The following CTNNA2 variants were observed in gnomAD, a reference collection of about 807,000 sequenced individuals.
CTNNA2 encodes catenin alpha-2.
In CTNNA2, 42 loss-of-function variants were observed where a neutral mutation model predicts 101.0. The ratio of observed to expected loss-of-function variants is 0.42; its 90% confidence interval spans 0.32 to 0.54. The LOEUF is 0.54. CTNNA2 is among the 20% of genes least tolerant of loss of function. CTNNA2 has a pLI of 0.14. For synonymous variants in CTNNA2, 450 were observed against 456.4 expected, an observed-to-expected ratio of 0.99 and a Z score of 0.18; for missense variants, 871 against 1,223.1, an observed-to-expected ratio of 0.71 and a Z score of 4.29.
chr2:79,192,409 C>T (rs1194660400), intron 1 of CTNNA2, among the ~76,000 whole-genome samples: 1 of 152,106 alleles, frequency 6.6e-6, no homozygotes, highest in Non-Finnish European at 1.5e-5. Flanking sequence ...AAATGAGACT[C>T]TCATTTGAAA....
intron 2 of CTNNA2, among the ~76,000 whole-genome samples, chr2:79,299,581 C>T (rs1406826707): frequency 6.6e-6 from 1 of 152,154 alleles, no homozygotes; most frequent in Non-Finnish European, 1.5e-5. Flanking sequence ...ATTGTCCCTG[C>T]TTTTATCCTG....
chr2:80,518,736 G>A (rs1689294140), intron 9 of CTNNA2, among the ~76,000 whole-genome samples: 1 of 151,976 alleles, frequency 6.6e-6, no homozygotes, highest in Non-Finnish European at 1.5e-5. Context: ...GAGTAAATGT[G>A]AATTAGTTTT....
At chr2:79,389,579 C>T (rs190177478) in intron 4 of CTNNA2, among the ~76,000 whole-genome samples, 1 of 152,096 alleles carries the variant, frequency 6.6e-6, no homozygotes, top group Non-Finnish European at 1.5e-5. Context: ...TAAACAAGGG[C>T]CAATTTATTC....
At chr2:80,489,215 T>C (rs1686837144) in intron 9 of CTNNA2, among the ~76,000 whole-genome samples, 1 of 152,198 alleles carries the variant, frequency 6.6e-6, no homozygotes, top group African/African-American at 2.4e-5. Flanking sequence ...CGTAGAAATC[T>C]TTTAAATCAT....
intron 7 of CTNNA2, among the ~76,000 whole-genome samples, chr2:80,309,019 G>A (rs1254475465): frequency 6.6e-6 from 1 of 152,018 alleles, no homozygotes; most frequent in Non-Finnish European, 1.5e-5. Flanking sequence ...AACCTGGGAG[G>A]TGGAGGTTGC....
At chr2:79,812,204 T>C (rs1334435239) in intron 3 of CTNNA2, among the ~76,000 whole-genome samples, 1 of 152,220 alleles carries the variant, frequency 6.6e-6, no homozygotes, top group Admixed American at 6.5e-5. Context: ...GTTTTATTTC[T>C]GTTTTTTCAT....
intron 4 of CTNNA2, among the ~76,000 whole-genome samples, chr2:79,377,066 C>A (rs1300694693): frequency 6.6e-6 from 1 of 151,324 alleles, no homozygotes; most frequent in Admixed American, 6.6e-5. Flanking sequence ...GCCACACTGA[C>A]TTCCACAATG....
intron 7 of CTNNA2, among the ~76,000 whole-genome samples, chr2:80,006,847 A>G (rs1032473815): frequency 6.6e-6 from 1 of 152,036 alleles, no homozygotes; most frequent in Non-Finnish European, 1.5e-5. Context: ...CTCTGTTCTT[A>G]TTGGAATCCC....
At chr2:80,409,460 C>T (rs538172285) in intron 8 of CTNNA2, among the ~76,000 whole-genome samples, 5 of 152,212 alleles carry the variant, frequency 3.3e-5, no homozygotes, top group South Asian at 4.1e-4. Flanking sequence ...TCGTGTTGAT[C>T]GCTGTAGCTT....
At chr2:79,777,151 G>C (rs898674432) in intron 3 of CTNNA2, 1 of 152,152 alleles carries the variant, frequency 6.6e-6, no homozygotes, top group Admixed American at 6.5e-5. Context: ...TTTATCTTAA[G>C]CTTGAGTAGG....
intron 7 of CTNNA2, among the ~76,000 whole-genome samples, chr2:80,215,761 C>G (rs1051916824): frequency 1.3e-5 from 2 of 152,152 alleles, no homozygotes; most frequent in Non-Finnish European, 2.9e-5. Flanking sequence ...AAACTCTGTG[C>G]TGGGAGAACC....
chr2:80,413,129 A>C (rs13398196), intron 8 of CTNNA2, among the ~76,000 whole-genome samples: 6,138 of 152,266 alleles, frequency 0.04, 304 homozygotes, highest in African/African-American at 0.12. Flanking sequence ...GCACTCACAG[A>C]GAAAAAAATC....
At chr2:80,146,376 A>C (rs1203468662) in intron 7 of CTNNA2, among the ~76,000 whole-genome samples, 1 of 152,172 alleles carries the variant, frequency 6.6e-6, no homozygotes, top group Non-Finnish European at 1.5e-5. Flanking sequence ...CAACAAAGAC[A>C]GTTACTTCTC....
chr2:80,541,579 C>T lies in CTNNA2; in HGVS notation c.1291-3403C>T, dbSNP rs537133853. Among the ~76,000 whole-genome samples the T allele has an allele frequency of 4.5e-4, 69 of 152,234 alleles. 1 individual carries two copies. In the East Asian group the frequency reaches 8.5e-3, roughly 19 times the overall value. On this transcript the variant is annotated intron_variant, in intron 9 of 18. Coordinates refer to ENST00000402739, the MANE Select transcript of CTNNA2 (RefSeq NM_001282597.3). ...TCACTATGTGGAAGTTACTAGTTAGCGTTTCCTTCTGTTAGAGTCCAGCTC... is the reference window on the plus strand; with the variant it reads ...TCACTATGTGGAAGTTACTAGTTAGTGTTTCCTTCTGTTAGAGTCCAGCTC...
At chr2:80,559,878 T>TATATCTATATCTATATCTATATCTATATC (rs1693393440) in intron 12 of CTNNA2, among the ~76,000 whole-genome samples, 15 of 114,024 alleles carry the variant, frequency 1.3e-4, no homozygotes, top group African/African-American at 4.5e-4. Flanking sequence ...GATATCATAT[T>TATATCTATATCTATATCTATATCTATATC]TATATATATA....
intron 8 of CTNNA2, among the ~76,000 whole-genome samples, chr2:80,404,325 A>AT (rs950843627): frequency 1.3e-5 from 2 of 151,076 alleles, no homozygotes; most frequent in East Asian, 1.9e-4. Flanking sequence ...CGATTTTATT[A>AT]TTTTTTTCAA....
At chr2:80,389,635 C>T (rs1677324095) in intron 7 of CTNNA2, among the ~76,000 whole-genome samples, 1 of 152,168 alleles carries the variant, frequency 6.6e-6, no homozygotes. Context: ...CTTCCAAGTT[C>T]CCATTTGCTG....
chr2:79,770,129 G>C (rs145171924), intron 3 of CTNNA2, among the ~76,000 whole-genome samples: 1 of 152,126 alleles, frequency 6.6e-6, no homozygotes, highest in Non-Finnish European at 1.5e-5. Context: ...CTACCATCTA[G>C]GGGGTAGAAG....
In CTNNA2 at chr2:80,108,462, AC is replaced by A. The variant is rs1390803197; in HGVS notation, c.1056+198669del. On this transcript the variant is annotated intron_variant, in intron 7 of 18. Transcript: ENST00000402739. Reference sequence around the variant, plus strand: ...AGCAATGGCAAATAGCTATGCTGCCACCCCTGTCTCCCATGCCTGGCACATG... The same window carrying A: ...AGCAATGGCAAATAGCTATGCTGCCACCCTGTCTCCCATGCCTGGCACATG... Among the ~76,000 whole-genome samples the A allele has an allele frequency of 2.0e-5, 3 of 151,988 alleles. No individual in the cohort carries two copies. The East Asian group carries it at 5.8e-4, about 29-fold the overall frequency.
Sources: allele counts gnomAD v4.1 joint callset (sites outside exome capture counted in the v4.1 genomes callset), GRCh38; gene constraint gnomAD v4.1.1; transcripts MANE v1.5; gene names NCBI Gene and HGNC (gene_info 2026-07-23, HGNC 2026-07-21).